Variants in ELOVL7 observed in about 807,000 individuals in gnomAD.
The protein encoded by ELOVL7 is very long chain fatty acid elongase 7.
In ELOVL7, 27 loss-of-function variants were observed where a neutral mutation model predicts 35.7. The ratio of observed to expected loss-of-function variants is 0.76; its 90% confidence interval spans 0.56 to 1.04. The LOEUF (loss-of-function observed/expected upper bound fraction) is 1.04. ELOVL7 is among the 50% of genes least tolerant of loss of function. ELOVL7 has a pLI of 0.00. For synonymous variants in ELOVL7, 113 were observed against 114.6 expected (o/e 0.99, Z 0.09); for missense variants, 327 against 340.8 (o/e 0.96, Z 0.32).
chr5:60,794,418 CCCA>C (rs1299636315), intron 2 of ELOVL7, among the ~76,000 whole-genome samples: 5 of 152,196 alleles, frequency 3.3e-5, no homozygotes, highest in South Asian at 2.1e-4. Context: ...GTCCTTTTTG[CCCA>C]AGTCTATCTC....
At position 60,794,495 on chromosome 5, in the gene ELOVL7, G is replaced by A. The variant is rs1256306373; in HGVS notation, c.-35+4685C>T. 4.6e-5 allele frequency among the ~76,000 whole-genome samples: 7 copies of A among 152,288 alleles called. No individual in the cohort carries two copies. In the East Asian group the frequency reaches 1.4e-3, roughly 29 times the overall value. On this transcript the variant is annotated intron_variant, in intron 2 of 8. Coordinates refer to ENST00000508821, the MANE Select transcript of ELOVL7 (RefSeq NM_024930.3). Reference sequence around the variant, plus strand: ...GTTGGAATTCACTCAGATGAGGATGGGACCTCAGATGTGCTTGCAGTGGGA... The same window carrying A: ...GTTGGAATTCACTCAGATGAGGATGAGACCTCAGATGTGCTTGCAGTGGGA...
intron 3 of ELOVL7, among the ~76,000 whole-genome samples, chr5:60,782,644 T>C (rs1579825245): frequency 6.6e-6 from 1 of 152,196 alleles, no homozygotes; most frequent in African/African-American, 2.4e-5. Context: ...AATCCTATCA[T>C]TTGTGACAAT....
At chr5:60,807,061 T>C (rs1485566738) in intron 1 of ELOVL7, among the ~76,000 whole-genome samples, 1 of 152,150 alleles carries the variant, frequency 6.6e-6, no homozygotes, top group African/African-American at 2.4e-5. Flanking sequence ...TAACCCAACA[T>C]GGCCTCTTCC....
chr5:60,757,347 A>T (rs1009188060), intron 8 of ELOVL7, among the ~76,000 whole-genome samples, 162 bp downstream of exon 8: 3 of 152,184 alleles, frequency 2.0e-5, no homozygotes, highest in African/African-American at 7.2e-5. Context: ...ACCAAAGTTC[A>T]TCTAACATAT....
At chr5:60,790,414 TAC>T (rs1413179764) in intron 2 of ELOVL7, among the ~76,000 whole-genome samples, 1 of 152,216 alleles carries the variant, frequency 6.6e-6, no homozygotes, top group Non-Finnish European at 1.5e-5. Context: ...GGAACATTCC[TAC>T]TTAAAAACCC....
At position 60,787,184 on chromosome 5, in the gene ELOVL7, T is replaced by A. The variant is rs186238014; in HGVS notation, c.64+150A>T. 1.5e-5 allele frequency: 9 copies of A among 604,106 alleles called. No homozygotes were observed. The Admixed American group carries it at 3.2e-4, about 21-fold the overall frequency. 37.4% of individuals were successfully genotyped at this position (604,106 alleles called of 1,614,324 possible). A position where few individuals can be genotyped will look rare whatever the true frequency, so the allele number is the denominator to read the frequency against. On this transcript the variant is annotated intron_variant, in intron 3 of 8. Coordinates refer to ENST00000508821, the MANE Select transcript of ELOVL7 (RefSeq NM_024930.3). ...GCTCCATCTTTGTACATATCTGTAA[T>A]GAAACCTGTGCACTTCCTCTTCGTT...
At chr5:60,837,969 T>C (rs1444822642) in intron 1 of ELOVL7, among the ~76,000 whole-genome samples, 3 of 152,000 alleles carry the variant, frequency 2.0e-5, no homozygotes, top group African/African-American at 7.3e-5. Context: ...ACAAGGAAGG[T>C]AGCTGTCCTT....
chr5:60,835,244 C>A (rs1029840219), intron 1 of ELOVL7, among the ~76,000 whole-genome samples: 4 of 149,330 alleles, frequency 2.7e-5, no homozygotes, highest in African/African-American at 9.9e-5. Context: ...TGAGGAAGAG[C>A]TCCTCACCAA....
At chr5:60,755,438 C>G (rs936728273) in intron 8 of ELOVL7, among the ~76,000 whole-genome samples, 7 of 152,098 alleles carry the variant, frequency 4.6e-5, no homozygotes, top group Non-Finnish European at 8.8e-5. Flanking sequence ...GCGGGTGGAT[C>G]ACGAGGTTAG....
chr5:60,763,156 A>G (rs1742026286), intron 7 of ELOVL7, among the ~76,000 whole-genome samples: 1 of 152,238 alleles, frequency 6.6e-6, no homozygotes, highest in African/African-American at 2.4e-5. Context: ...TTCTTCAGTA[A>G]TAAATGCCAA....
chr5:60,765,835 A>C (rs1360285011), intron 6 of ELOVL7, among the ~76,000 whole-genome samples: 1 of 152,264 alleles, frequency 6.6e-6, no homozygotes, highest in African/African-American at 2.4e-5. Flanking sequence ...ATGCATTCCA[A>C]AGAAAACACA....
intron 7 of ELOVL7, among the ~76,000 whole-genome samples, chr5:60,759,353 A>T (rs2112128841): frequency 6.6e-6 from 1 of 152,342 alleles, no homozygotes; most frequent in African/African-American, 2.4e-5. Flanking sequence ...TTCCCAAAGG[A>T]AATTTGAATA....
At chr5:60,760,651 CCATTT>C (rs1314119425) in intron 7 of ELOVL7, among the ~76,000 whole-genome samples, 1 of 152,080 alleles carries the variant, frequency 6.6e-6, no homozygotes, top group African/African-American at 2.4e-5. Context: ...TAATTACATC[CCATTT>C]GTCAATTTTG....
chr5:60,826,012 C>G (rs1337356440), intron 1 of ELOVL7, among the ~76,000 whole-genome samples: 1 of 152,252 alleles, frequency 6.6e-6, no homozygotes, highest in South Asian at 2.1e-4. Flanking sequence ...ACAGGCAGGG[C>G]ACATGGACTG....
At chr5:60,775,214 G>A (rs991078910) in intron 3 of ELOVL7, among the ~76,000 whole-genome samples, 1 of 152,252 alleles carries the variant, frequency 6.6e-6, no homozygotes, top group East Asian at 1.9e-4. Flanking sequence ...AATCAAGAAT[G>A]CAATCCTATT....
In ELOVL7 at chr5:60,827,739, G is replaced by A. The variant is rs577389016; in HGVS notation, c.-86+16421C>T. ...AGCATGTAATTTATTAACTTAACCTGCAATGATTAATAGGGAATAGAAATA... is the reference window on the plus strand; with the variant it reads ...AGCATGTAATTTATTAACTTAACCTACAATGATTAATAGGGAATAGAAATA... On this transcript the variant is annotated intron_variant, in intron 1 of 8. Coordinates refer to ENST00000508821, the MANE Select transcript of ELOVL7 (RefSeq NM_024930.3). 1.1e-4 allele frequency among the ~76,000 whole-genome samples: 16 copies of A among 152,244 alleles called. No individual in the cohort carries two copies. In the East Asian group the frequency reaches 2.5e-3, roughly 24 times the overall value.
At chr5:60,786,715 G>A (rs1743608716) in intron 3 of ELOVL7, among the ~76,000 whole-genome samples, 2 of 152,206 alleles carry the variant, frequency 1.3e-5, no homozygotes, top group South Asian at 2.1e-4. Context: ...GGGAGGCCAA[G>A]GCGGGCGGAT....
rs1406744084 is a variant in ELOVL7, at chr5:60,779,606, G to T, written c.65-7513C>A. Among the ~76,000 whole-genome samples the T allele has an allele frequency of 3.3e-5, 5 of 152,080 alleles. No homozygotes were observed. In the East Asian group the frequency reaches 5.8e-4, roughly 18 times the overall value. The stretch of plus-strand genomic sequence containing the variant: ...AAGTCCCTAGGCTGCACACAGCAGG[G>T]AGCCCTGGGCCCAGCCCCAAAAACC... On this transcript the variant is annotated intron_variant, in intron 3 of 8. Coordinates refer to ENST00000508821, the MANE Select transcript of ELOVL7 (RefSeq NM_024930.3).
intron 1 of ELOVL7, among the ~76,000 whole-genome samples, chr5:60,806,076 T>C (rs1167360865): frequency 2.0e-5 from 3 of 152,212 alleles, no homozygotes; most frequent in Non-Finnish European, 4.4e-5. Context: ...TAATCCACTA[T>C]GACTGGGGTC....
Sources: gnomAD v4.1 joint callset for allele counts (sites outside exome capture counted in the v4.1 genomes callset) on GRCh38, gnomAD v4.1.1 for gene constraint, MANE v1.5 for transcripts, NCBI Gene and HGNC (gene_info 2026-07-23, HGNC 2026-07-21) for gene names.